Variants in ADAM12 observed in about 807,000 individuals in gnomAD.
ADAM12 encodes ADAM metallopeptidase domain 12.
ADAM12 carries 70 observed loss-of-function variants against 106.4 expected under a neutral mutation model. That is an observed-to-expected ratio of 0.66 (90% CI 0.54 to 0.80). ADAM12 has a LOEUF of 0.80. ADAM12 is among the 30% of genes least tolerant of loss of function. The probability of loss-of-function intolerance (pLI) is 0.00; values close to 1 mark genes in which losing one functional copy is unlikely to be tolerated. For missense variants in ADAM12, 1,010 were observed against 1,171.9 expected (o/e 0.86, Z 2.02); for synonymous variants, 420 against 433.5 (o/e 0.97, Z 0.39).
In ADAM12 at chr10:126,043,116, C is replaced by G. The variant is rs1251695199; in HGVS notation, c.2028G>C (p.Glu676Asp). The G allele has an allele frequency of 1.2e-6, 2 of 1,614,158 alleles. No individual in the cohort carries two copies. Among genetic ancestry groups the G allele is most frequent in the Admixed American group, 3.3e-5 (2 of 60,014 alleles). ...VCNNRKNCHC[E>D]AHWAPPFCDK... ...CACAGAAGGGAGGTGCCCAGTGGGC[C>G]TCGCAGTGGCAGTTCTTCCTGTTGT... The change falls in exon 18 of 23, where the codon GAG becomes GAC. Residue 676 changes from glutamate to aspartate, a missense_variant. Coordinates refer to ENST00000448723, the MANE Select transcript of ADAM12 (RefSeq NM_001288973.2). The surrounding 1 kb of genome is among the most constrained non-coding windows in gnomAD (Gnocchi z 4.1).
chr10:126,088,547 C>CA (rs5788764), intron 11 of ADAM12, among the ~76,000 whole-genome samples: 85,808 of 144,920 alleles, frequency 0.59, 25,198 homozygotes, highest in South Asian at 0.67. Context: ...TTAAATATAC[C>CA]AAAAAAAAAA....
chr10:126,359,889 A>G (rs1410610608), intron 1 of ADAM12, among the ~76,000 whole-genome samples: 2 of 152,044 alleles, frequency 1.3e-5, no homozygotes, highest in East Asian at 3.9e-4. Flanking sequence ...TGAAGGACTC[A>G]CCCCTGCAGC....
intron 21 of ADAM12, among the ~76,000 whole-genome samples, chr10:126,032,967 ATTC>A (rs994496940): frequency 6.6e-6 from 1 of 152,230 alleles, no homozygotes; most frequent in African/African-American, 2.4e-5. Flanking sequence ...AACCAGAATT[ATTC>A]TTATGCCAAA....
intron 2 of ADAM12, among the ~76,000 whole-genome samples, chr10:126,314,161 CAGG>C (rs1183837471): frequency 6.6e-6 from 1 of 152,128 alleles, no homozygotes; most frequent in Non-Finnish European, 1.5e-5. Context: ...AGCAGGTTGG[CAGG>C]AGTAGCGTGG....
intron 2 of ADAM12, among the ~76,000 whole-genome samples, chr10:126,290,449 T>C (rs1268176526): frequency 6.6e-6 from 1 of 152,226 alleles, no homozygotes; most frequent in African/African-American, 2.4e-5. Flanking sequence ...ATAGCAGCAC[T>C]AGACAACTGA....
chr10:126,106,075 T>G (rs999865824), intron 8 of ADAM12, among the ~76,000 whole-genome samples: 2 of 152,168 alleles, frequency 1.3e-5, no homozygotes, highest in Non-Finnish European at 2.9e-5. Flanking sequence ...TCCTGGGGTA[T>G]GAAGCATCGT....
At position 126,346,468 on chromosome 10, in the gene ADAM12, C is replaced by T. The variant is rs569129762; in HGVS notation, c.89-15959G>A. ...TATGTGGTCAATTTTGGAATAAGTG[C>T]GATGTGGTGCCAAGAAGAATGTATA... On this transcript the variant is annotated intron_variant, in intron 1 of 22. Transcript: ENST00000448723. Among the ~76,000 whole-genome samples the T allele has an allele frequency of 1.6e-4, 25 of 152,160 alleles. No individual in the cohort carries two copies. The South Asian group carries it at 3.3e-3, about 20-fold the overall frequency.
At chr10:126,124,889 C>G (rs1204006531) in intron 5 of ADAM12, among the ~76,000 whole-genome samples, 1 of 98,650 alleles carries the variant, frequency 1.0e-5, no homozygotes, top group African/African-American at 4.7e-5. Context: ...GAGTGAGACA[C>G]CGTCTCAAAA....
intron 2 of ADAM12, among the ~76,000 whole-genome samples, chr10:126,292,938 C>T (rs973407704): frequency 1.3e-5 from 2 of 152,178 alleles, no homozygotes; most frequent in South Asian, 2.1e-4. Flanking sequence ...GATATCATTG[C>T]GCCCACCTCA....
At chr10:126,179,551 A>G (rs930726514) in intron 3 of ADAM12, among the ~76,000 whole-genome samples, 2 of 152,218 alleles carry the variant, frequency 1.3e-5, no homozygotes, top group Admixed American at 1.3e-4. Flanking sequence ...TTTGGATGCT[A>G]AAAAATGTTA....
At chr10:126,054,861 C>T (rs1226331125) in intron 14 of ADAM12, among the ~76,000 whole-genome samples, 1 of 152,046 alleles carries the variant, frequency 6.6e-6, no homozygotes, top group African/African-American at 2.4e-5. Context: ...GACTTTAGGG[C>T]TGGGGGTGTG....
chr10:126,030,061 A>G (rs1373941429), intron 21 of ADAM12, among the ~76,000 whole-genome samples: 1 of 152,252 alleles, frequency 6.6e-6, no homozygotes, highest in Non-Finnish European at 1.5e-5. Flanking sequence ...CCATCTGGGA[A>G]TCTGGAAGGG....
chr10:126,096,334 A>G (rs1410434559), intron 10 of ADAM12, among the ~76,000 whole-genome samples: 3 of 152,268 alleles, frequency 2.0e-5, no homozygotes, highest in African/African-American at 7.2e-5. Flanking sequence ...GATTATAAAC[A>G]GAATGTCTCT....
chr10:126,240,386 G>T (rs550175022), intron 3 of ADAM12, among the ~76,000 whole-genome samples: 1 of 152,372 alleles, frequency 6.6e-6, no homozygotes, highest in South Asian at 2.1e-4. Context: ...CTGGGCCTTG[G>T]AGACAAAGCA....
At chr10:126,273,801 T>A (rs1360596018) in intron 3 of ADAM12, among the ~76,000 whole-genome samples, 1 of 152,178 alleles carries the variant, frequency 6.6e-6, no homozygotes, top group Non-Finnish European at 1.5e-5. Context: ...ATTGAGTCAT[T>A]CAAACCTGAT....
Position 126,286,889 on chromosome 10 carries a change from T to C in ADAM12, c.187-7901A>G, listed in dbSNP as rs139356164. On this transcript the variant is annotated intron_variant, in intron 2 of 22. Transcript: ENST00000448723. ...ATGGCATGTATTATCCTTAGGTTTA[T>C]AATGCAGTTGGAAGTTTGTGTGTTC... 1.9e-3 allele frequency among the ~76,000 whole-genome samples: 287 copies of C among 152,338 alleles called. 3 individuals are homozygous for C. The Middle Eastern group carries it at 0.024, about 13-fold the overall frequency.
At chr10:126,356,599 T>A (rs1484890331) in intron 1 of ADAM12, among the ~76,000 whole-genome samples, 1 of 152,178 alleles carries the variant, frequency 6.6e-6, no homozygotes, top group Admixed American at 6.5e-5. Context: ...TCAGAAATCA[T>A]GACAACACCA....
chr10:126,139,277 C>T (rs1316365734), intron 4 of ADAM12, among the ~76,000 whole-genome samples: 1 of 151,770 alleles, frequency 6.6e-6, no homozygotes, highest in Non-Finnish European at 1.5e-5. Flanking sequence ...TTTTTTTCCA[C>T]GTGGCTGTTG....
intron 18 of ADAM12, among the ~76,000 whole-genome samples, chr10:126,039,769 G>A (rs1278257): frequency 0.028 from 4,232 of 152,322 alleles, 167 homozygotes; most frequent in African/African-American, 0.09. Context: ...CATCACTGAA[G>A]CCTCACTGGA....
Sources: allele counts gnomAD v4.1 joint callset (sites outside exome capture counted in the v4.1 genomes callset), GRCh38; gene constraint gnomAD v4.1.1; non-coding constraint Gnocchi (gnomAD v3.1); transcripts MANE v1.5; gene names NCBI Gene and HGNC (gene_info 2026-07-23, HGNC 2026-07-21).